Variants in NPTXR observed in about 807,000 individuals in gnomAD.
NPTXR encodes neuronal pentraxin receptor.
Under a neutral mutation model 32.2 loss-of-function variants are expected in NPTXR, and 12 were observed. The ratio of observed to expected loss-of-function variants is 0.37; its 90% CI spans 0.24 to 0.60. The LOEUF (loss-of-function observed/expected upper bound fraction) is 0.60, where lower values mean the gene tolerates loss of function less well. Among genes scored for constraint, NPTXR ranks in the 20% least tolerant of loss-of-function variants. The probability of loss-of-function intolerance (pLI) is 0.66; values close to 1 mark genes in which losing one functional copy is unlikely to be tolerated. For synonymous variants in NPTXR, 323 were observed against 315.8 expected, an observed-to-expected ratio of 1.02 and a Z score of -0.24; for missense variants, 612 against 682.9, an observed-to-expected ratio of 0.90 and a Z score of 1.16.
At chr22:38,839,473 C>G (rs1231002795) in intron 1 of NPTXR, among the ~76,000 whole-genome samples, 1 of 152,162 alleles carries the variant, frequency 6.6e-6, no homozygotes, top group Non-Finnish European at 1.5e-5. Context: ...GGTAAAACCC[C>G]ATCTCTATTT....
At chr22:38,827,671 T>TCAA (rs1369829727) in intron 2 of NPTXR, among the ~76,000 whole-genome samples, 1 of 152,198 alleles carries the variant, frequency 6.6e-6, no homozygotes, top group African/African-American at 2.4e-5. Context: ...CTGAAAGGTC[T>TCAA]TTGAGAGCTC....
At chr22:38,825,735 C>G (rs2093105332) in intron 3 of NPTXR, among the ~76,000 whole-genome samples, 1 of 152,104 alleles carries the variant, frequency 6.6e-6, no homozygotes, top group Admixed American at 6.5e-5. Flanking sequence ...GCGGGGAGGG[C>G]CCGAGGGGCT....
intron 1 of NPTXR, among the ~76,000 whole-genome samples, chr22:38,835,406 T>C (rs1214069320): frequency 1.3e-5 from 2 of 152,124 alleles, no homozygotes; most frequent in African/African-American, 4.8e-5. Flanking sequence ...AGGTGAGTGG[T>C]GGGCAAAGGA....
At chr22:38,825,464 A>G (rs1461936191) in intron 3 of NPTXR, among the ~76,000 whole-genome samples, 3 of 152,178 alleles carry the variant, frequency 2.0e-5, no homozygotes, top group East Asian at 1.9e-4. Flanking sequence ...AGTGCCCAGT[A>G]TAATAAAAAT....
chr22:38,829,865 G>A (rs2093113515), intron 1 of NPTXR, among the ~76,000 whole-genome samples: 1 of 152,224 alleles, frequency 6.6e-6, no homozygotes, highest in South Asian at 2.1e-4. Flanking sequence ...CTTGCAGCCT[G>A]GGACAAGTAT....
rs1277666716 is a variant in NPTXR, at chr22:38,822,548, A to G, written c.*61T>C. 1 of 1,440,338 alleles carries G rather than the reference A, an allele frequency of 6.9e-7. No homozygotes were observed. Among genetic ancestry groups the G allele is most frequent in the African/African-American group, 1.4e-5 (1 of 71,164 alleles). 89.2% of individuals were successfully genotyped at this position (1,440,338 alleles called of 1,614,324 possible). On this transcript the variant is annotated 3_prime_UTR_variant, in exon 5 of 5. Coordinates refer to ENST00000333039, the MANE Select transcript of NPTXR (RefSeq NM_014293.4). ...TGCGTGGGCAGGCTGAGGAGGGAAT[A>G]TGACCCCCCTCAAGTCCCCAAAGTG...
At chr22:38,823,561 C>G (rs143475321) in intron 3 of NPTXR, among the ~76,000 whole-genome samples, 11 of 152,356 alleles carry the variant, frequency 7.2e-5, no homozygotes, top group Non-Finnish European at 1.5e-4. Context: ...GTCTCATAAT[C>G]CCAACTTCCC....
intron 1 of NPTXR, among the ~76,000 whole-genome samples, chr22:38,841,867 T>C (rs1374126321): frequency 6.6e-6 from 1 of 152,230 alleles, no homozygotes; most frequent in Non-Finnish European, 1.5e-5. Context: ...CTTGGTTCTC[T>C]CATCCTAGAA....
chr22:38,822,595 G>A lies in NPTXR; in HGVS notation c.*14C>T, dbSNP rs2093099554. On this transcript the variant is annotated 3_prime_UTR_variant, in exon 5 of 5. Coordinates refer to ENST00000333039, the MANE Select transcript of NPTXR (RefSeq NM_014293.4). ...AGTGGCAGGCAAGGGAGGGGCCCTG[G>A]ATGAGGTGGCCCCTCATGCCTTGGC... 3 of 1,588,458 alleles carry A rather than the reference G, an allele frequency of 1.9e-6. No individual in the cohort carries two copies. The highest frequency in any genetic ancestry group is 2.6e-6 in the Non-Finnish European group (3 of 1,168,494).
At chr22:38,832,459 G>C (rs2093117857) in intron 1 of NPTXR, among the ~76,000 whole-genome samples, 1 of 152,216 alleles carries the variant, frequency 6.6e-6, no homozygotes, top group South Asian at 2.1e-4. Flanking sequence ...AGTGTGCTGG[G>C]CCTAGAGCCA....
At chr22:38,840,267 A>G (rs774115708) in intron 1 of NPTXR, among the ~76,000 whole-genome samples, 6 of 152,020 alleles carry the variant, frequency 3.9e-5, no homozygotes, top group Non-Finnish European at 8.8e-5. Context: ...ATGGCTCCTG[A>G]GAGGAGGTGT....
rs1019898079 is a variant in NPTXR, at chr22:38,843,992, C to A, written c.-134G>T. On this transcript the variant is annotated 5_prime_UTR_variant, in exon 1 of 5. Transcript: ENST00000333039. This position sits in a 1 kb window ranked among gnomAD's most constrained non-coding sequence, Gnocchi z 5.3. ...GCCGGAGCCGGAGCCGGAGCCGGAGCTGGAGCTGTCGCCGCGGCCGCTGCT... is the reference window on the plus strand; with the variant it reads ...GCCGGAGCCGGAGCCGGAGCCGGAGATGGAGCTGTCGCCGCGGCCGCTGCT... 7 of 355,250 alleles carry A rather than the reference C, an allele frequency of 2.0e-5. No homozygotes were observed. Among genetic ancestry groups the A allele is most frequent in the African/African-American group, 1.3e-4 (6 of 44,632 alleles). 22.0% of individuals were successfully genotyped at this position (355,250 alleles called of 1,614,324 possible). A position where few individuals can be genotyped will look rare whatever the true frequency, so the allele number is the denominator to read the frequency against.
chr22:38,822,999 G>A, intron 4 of NPTXR, 84 bp downstream of exon 4: 1 of 1,540,126 alleles, frequency 6.5e-7, no homozygotes, highest in Non-Finnish European at 8.9e-7. Flanking sequence ...CTAGTTCCTT[G>A]GGCAGGTCTC....
chr22:38,822,312 A>G lies in NPTXR; in HGVS notation c.*297T>C, dbSNP rs2093098938. On this transcript the variant is annotated 3_prime_UTR_variant, in exon 5 of 5. Coordinates refer to ENST00000333039, the MANE Select transcript of NPTXR (RefSeq NM_014293.4). ...TGGGGGTGCTGTCAAAATTAGTGAA[A>G]TCAGATACAGTTGATGGGCAGGGAG... 4.7e-6 allele frequency: 2 copies of G among 423,600 alleles called. No individual in the cohort carries two copies. The highest frequency in any genetic ancestry group is 5.0e-5 in the South Asian group (2 of 40,134). 26.2% of individuals were successfully genotyped at this position (423,600 alleles called of 1,614,324 possible).
chr22:38,843,864 G>A lies in NPTXR; in HGVS notation c.-6C>T. 2 of 993,172 alleles carry A rather than the reference G, an allele frequency of 2.0e-6. No individual in the cohort carries two copies. The highest frequency in any genetic ancestry group is 4.4e-5 in the South Asian group (1 of 22,630). 61.5% of individuals were successfully genotyped at this position (993,172 alleles called of 1,614,324 possible). On this transcript the variant is annotated 5_prime_UTR_variant, in exon 1 of 5. Coordinates refer to ENST00000333039, the MANE Select transcript of NPTXR (RefSeq NM_014293.4). This position sits in a 1 kb window ranked among gnomAD's most constrained non-coding sequence, Gnocchi z 5.3. ...AGCACGGCCAGGAACTTCAGCGTGA[G>A]GCGGGCGGCGGGGGCGCCCGAGGCC...
chr22:38,837,327 T>A (rs1263258924), intron 1 of NPTXR, among the ~76,000 whole-genome samples: 1 of 152,088 alleles, frequency 6.6e-6, no homozygotes, highest in Non-Finnish European at 1.5e-5. Flanking sequence ...TGGGTCCACA[T>A]CCTCCAACCA....
intron 3 of NPTXR, among the ~76,000 whole-genome samples, chr22:38,826,015 T>C (rs1262670498): frequency 6.6e-6 from 1 of 152,028 alleles, no homozygotes; most frequent in Non-Finnish European, 1.5e-5. Flanking sequence ...GCTAATTTTT[T>C]TGTATTTTTA....
intron 1 of NPTXR, among the ~76,000 whole-genome samples, chr22:38,830,379 CTGAA>C (rs566594536): frequency 4.6e-5 from 7 of 152,184 alleles, no homozygotes; most frequent in Non-Finnish European, 1.0e-4. Context: ...GGTGGGAAGA[CTGAA>C]TGGGACGCTC....
intron 1 of NPTXR, among the ~76,000 whole-genome samples, chr22:38,835,330 C>A (rs2093122382): frequency 6.6e-6 from 1 of 152,214 alleles, no homozygotes; most frequent in South Asian, 2.1e-4. Context: ...CATACTGCCA[C>A]CCTGCCTTCC....
Sources: gnomAD v4.1 joint callset for allele counts (sites outside exome capture counted in the v4.1 genomes callset) on GRCh38, gnomAD v4.1.1 for gene constraint, Gnocchi (gnomAD v3.1) non-coding constraint, MANE v1.5 for transcripts, NCBI Gene and HGNC (gene_info 2026-07-23, HGNC 2026-07-21) for gene names.